Variants in SNTG1 observed in about 807,000 individuals in gnomAD.
The protein encoded by SNTG1 is gamma-1-syntrophin.
A neutral mutation model predicts 74.7 loss-of-function variants in SNTG1; 39 were observed. The observed-to-expected ratio is 0.52, with a 90% confidence interval of 0.40 to 0.68. The LOEUF (loss-of-function observed/expected upper bound fraction) is 0.68, where lower values mean the gene tolerates loss of function less well. Ranked by LOEUF, SNTG1 falls within the 30% of genes least tolerant of loss-of-function variation. The pLI, the probability that SNTG1 is intolerant of heterozygous loss-of-function variation, is 0.00. For missense variants in SNTG1, 685 were observed against 609.5 expected (o/e 1.12, Z -1.30); for synonymous variants, 254 against 217.1 (o/e 1.17, Z -1.49).
chr8:50,243,396 A>G (rs1055237260), intron 2 of SNTG1, among the ~76,000 whole-genome samples: 1 of 152,150 alleles, frequency 6.6e-6, no homozygotes, highest in African/African-American at 2.4e-5. Flanking sequence ...TTTTACTAAA[A>G]TTTATCTAGA....
At chr8:50,757,517 A>G (rs752300005) in intron 18 of SNTG1, among the ~76,000 whole-genome samples, 1 of 151,928 alleles carries the variant, frequency 6.6e-6, no homozygotes, top group Admixed American at 6.6e-5. Context: ...TAGTGTTAGC[A>G]TGGCACATCT....
chr8:50,328,405 C>T (rs563077835), intron 2 of SNTG1, among the ~76,000 whole-genome samples: 15 of 152,144 alleles, frequency 9.9e-5, no homozygotes, highest in African/African-American at 2.2e-4. Flanking sequence ...AAGTAATACC[C>T]GAGACTGGGT....
intron 2 of SNTG1, among the ~76,000 whole-genome samples, chr8:50,285,939 C>G (rs2130493366): frequency 6.6e-6 from 1 of 151,970 alleles, no homozygotes; most frequent in East Asian, 1.9e-4. Context: ...TCATCAATAA[C>G]ATGCTACTTT....
intron 4 of SNTG1, among the ~76,000 whole-genome samples, chr8:50,433,481 T>TTG (rs2093265286): frequency 8.5e-6 from 1 of 117,942 alleles, no homozygotes; most frequent in Non-Finnish European, 1.6e-5. Context: ...AGTTTTCTGT[T>TTG]TTTTTTTTTT....
At chr8:50,587,033 C>T (rs958231067) in intron 12 of SNTG1, among the ~76,000 whole-genome samples, 1 of 151,958 alleles carries the variant, frequency 6.6e-6, no homozygotes, top group African/African-American at 2.4e-5. Context: ...CATATGTCTA[C>T]TTATGTATGC....
chr8:50,009,950 C>G (rs528926756), intron 1 of SNTG1, among the ~76,000 whole-genome samples: 1 of 152,248 alleles, frequency 6.6e-6, no homozygotes, highest in Non-Finnish European at 1.5e-5. Flanking sequence ...AAGCCGAGAT[C>G]GTGCCATTGC....
chr8:50,659,010 T>A (rs545438036), intron 15 of SNTG1, among the ~76,000 whole-genome samples: 7 of 152,126 alleles, frequency 4.6e-5, no homozygotes, highest in East Asian at 3.9e-4. Flanking sequence ...TTTTTTTTTT[T>A]AATTCTTTTT....
chr8:50,630,435 TC>T (rs1407682162), intron 13 of SNTG1, among the ~76,000 whole-genome samples: 1 of 152,152 alleles, frequency 6.6e-6, no homozygotes, highest in African/African-American at 2.4e-5. Flanking sequence ...GCCAACCAAA[TC>T]TTTTCTCCAC....
chr8:50,630,218 T>C (rs1196707818), intron 13 of SNTG1, among the ~76,000 whole-genome samples: 1 of 152,134 alleles, frequency 6.6e-6, no homozygotes, highest in African/African-American at 2.4e-5. Flanking sequence ...TTTTCTATTA[T>C]TGAGTGATAA....
At chr8:50,435,973 CTTG>C (rs1286096980) in intron 4 of SNTG1, among the ~76,000 whole-genome samples, 1 of 152,060 alleles carries the variant, frequency 6.6e-6, no homozygotes, top group Non-Finnish European at 1.5e-5. Context: ...CCCTGCGATG[CTTG>C]TTGTTTCTGT....
At chr8:50,588,193 T>G (rs1241025937) in intron 12 of SNTG1, among the ~76,000 whole-genome samples, 1 of 152,182 alleles carries the variant, frequency 6.6e-6, no homozygotes, top group Non-Finnish European at 1.5e-5. Context: ...TTTTAAAATG[T>G]TAGTATAAGT....
chr8:49,919,102 G>A (rs1448097211), intron 1 of SNTG1, among the ~76,000 whole-genome samples: 2 of 151,902 alleles, frequency 1.3e-5, no homozygotes, highest in South Asian at 4.1e-4. Context: ...CTATGTTTCT[G>A]TTTCTGTCTG....
chr8:50,136,060 A>T (rs1297713623), intron 1 of SNTG1, among the ~76,000 whole-genome samples: 1 of 152,096 alleles, frequency 6.6e-6, no homozygotes, highest in Admixed American at 6.5e-5. Context: ...AGCTTCACCC[A>T]TGTTGCTGCA....
At chr8:50,595,125 T>A (rs1554583369) in intron 13 of SNTG1, among the ~76,000 whole-genome samples, 1 of 151,988 alleles carries the variant, frequency 6.6e-6, no homozygotes, top group Non-Finnish European at 1.5e-5. Flanking sequence ...GTCAAAAATC[T>A]ATTTTTTTCA....
At chr8:50,386,857 G>T (rs1244699345) in intron 2 of SNTG1, among the ~76,000 whole-genome samples, 1 of 152,020 alleles carries the variant, frequency 6.6e-6, no homozygotes, top group Non-Finnish European at 1.5e-5. Context: ...TTCCACACTA[G>T]GGATCCCATT....
chr8:50,735,314 A>G (rs1272892649), intron 17 of SNTG1, among the ~76,000 whole-genome samples: 1 of 151,564 alleles, frequency 6.6e-6, no homozygotes, highest in African/African-American at 2.4e-5. Flanking sequence ...ATATTAGACA[A>G]AAACTCCTCC....
At chr8:50,612,125 T>C (rs533847309) in intron 13 of SNTG1, among the ~76,000 whole-genome samples, 6 of 152,322 alleles carry the variant, frequency 3.9e-5, no homozygotes, top group African/African-American at 1.4e-4. Flanking sequence ...ATGTTCATTG[T>C]AGTAACTTTA....
chr8:50,243,688 A>ATT (rs34315710), intron 2 of SNTG1, among the ~76,000 whole-genome samples: 9 of 150,488 alleles, frequency 6.0e-5, no homozygotes, highest in Non-Finnish European at 8.9e-5. Context: ...TAATTAATTA[A>ATT]TTTTTTTTTT....
intron 1 of SNTG1, among the ~76,000 whole-genome samples, chr8:50,019,166 A>G (rs950236497): frequency 3.3e-5 from 5 of 152,084 alleles, no homozygotes; most frequent in Admixed American, 2.0e-4. Context: ...AGGCTGAACA[A>G]CACTGTAAAT....
Sources: gnomAD v4.1 joint callset for allele counts (sites outside exome capture counted in the v4.1 genomes callset) on GRCh38, gnomAD v4.1.1 for gene constraint, MANE v1.5 for transcripts, NCBI Gene and HGNC (gene_info 2026-07-23, HGNC 2026-07-21) for gene names.